BMPR1B: variants seen among roughly 807,000 people sequenced by gnomAD.
The protein encoded by BMPR1B is bone morphogenetic protein receptor type 1B.
A neutral mutation model predicts 59.1 loss-of-function variants in BMPR1B; 12 were observed. That is an observed-to-expected ratio of 0.20 (90% confidence interval 0.13 to 0.33). The LOEUF (loss-of-function observed/expected upper bound fraction) is 0.33. Among genes scored for constraint, BMPR1B ranks in the 10% least tolerant of loss-of-function variants. The probability of loss-of-function intolerance (pLI) is 1.00; values close to 1 mark genes in which losing one functional copy is unlikely to be tolerated. For missense variants in BMPR1B, 550 were observed against 610.9 expected (o/e 0.90, Z 1.05); for synonymous variants, 237 against 207.3 (o/e 1.14, Z -1.23).
chr4:94,922,360 G>A (rs1028520845), intron 2 of BMPR1B, among the ~76,000 whole-genome samples: 31 of 152,028 alleles, frequency 2.0e-4, no homozygotes, highest in African/African-American at 7.5e-4. Flanking sequence ...ACTGAGAGAT[G>A]CCTATATGTC....
At chr4:94,947,775 A>C (rs1328168116) in intron 2 of BMPR1B, among the ~76,000 whole-genome samples, 1 of 152,172 alleles carries the variant, frequency 6.6e-6, no homozygotes, top group African/African-American at 2.4e-5. Context: ...AGTCCTCCTT[A>C]CAATTTTACT....
intron 3 of BMPR1B, among the ~76,000 whole-genome samples, chr4:95,027,191 C>T (rs554618851): frequency 6.6e-6 from 1 of 152,092 alleles, no homozygotes; most frequent in Non-Finnish European, 1.5e-5. Flanking sequence ...TGTTTGTAAA[C>T]CATAATGAAA....
intron 2 of BMPR1B, among the ~76,000 whole-genome samples, chr4:94,953,786 A>C (rs1285165268): frequency 6.6e-6 from 1 of 151,756 alleles, no homozygotes; most frequent in Admixed American, 6.6e-5. Context: ...GTATTTCCTA[A>C]ATTTGAATGT....
At chr4:94,810,185 C>T (rs993504162) in intron 1 of BMPR1B, among the ~76,000 whole-genome samples, 4 of 152,160 alleles carry the variant, frequency 2.6e-5, no homozygotes, top group African/African-American at 9.7e-5. Flanking sequence ...CACATATTGG[C>T]ATTATTTGCT....
intron 1 of BMPR1B, among the ~76,000 whole-genome samples, chr4:94,803,889 A>T (rs554598537): frequency 2.6e-5 from 4 of 152,044 alleles, no homozygotes; most frequent in South Asian, 2.1e-4. Flanking sequence ...TTATTTATTT[A>T]TTTTTTTGAG....
intron 3 of BMPR1B, among the ~76,000 whole-genome samples, chr4:95,008,197 T>G (rs1722982980): frequency 6.6e-6 from 1 of 152,228 alleles, no homozygotes; most frequent in African/African-American, 2.4e-5. Flanking sequence ...ATCTGTCTCA[T>G]ACTGTACGGG....
intron 2 of BMPR1B, among the ~76,000 whole-genome samples, chr4:94,963,498 C>T (rs1730447184): frequency 6.6e-6 from 1 of 152,076 alleles, no homozygotes; most frequent in African/African-American, 2.4e-5. Context: ...AGTTTTTAAT[C>T]CACTTTTATT....
intron 1 of BMPR1B, among the ~76,000 whole-genome samples, chr4:94,762,065 A>C (rs1721794794): frequency 6.6e-6 from 1 of 152,240 alleles, no homozygotes; most frequent in Admixed American, 6.5e-5. Context: ...AAAGCCCATC[A>C]CAGTGGTAAG....
At position 95,104,310 on chromosome 4, in the gene BMPR1B, A is replaced by G. The variant is rs142881377; in HGVS notation, c.-17-98A>G. 1.7e-4 allele frequency: 234 copies of G among 1,358,580 alleles called. No individual in the cohort carries two copies. The African/African-American group carries it at 2.8e-3, about 16-fold the overall frequency. 84.2% of individuals were successfully genotyped at this position (1,358,580 alleles called of 1,614,324 possible). ...CTGTTTAAATCTTTAAGTATCTTGA[A>G]TACTTCATTTTAAAATGTAATCTCA... is the stretch of plus-strand genomic sequence containing the variant. On this transcript the variant is annotated intron_variant, in intron 3 of 12. Transcript: ENST00000515059.
At chr4:95,046,923 A>G (rs1175810045) in intron 3 of BMPR1B, among the ~76,000 whole-genome samples, 1 of 152,250 alleles carries the variant, frequency 6.6e-6, no homozygotes, top group Admixed American at 6.5e-5. Flanking sequence ...GGAGCAGTTA[A>G]GTGAACCTGT....
At chr4:95,001,794 G>C (rs1722468469) in intron 3 of BMPR1B, among the ~76,000 whole-genome samples, 1 of 151,994 alleles carries the variant, frequency 6.6e-6, no homozygotes, top group Non-Finnish European at 1.5e-5. Context: ...GACGTAGAGG[G>C]GGGCAAAACA....
Position 94,758,079 on chromosome 4 carries a change from C to G in BMPR1B, c.-183+11C>G, listed in dbSNP as rs1247001799. The G allele has an allele frequency of 6.8e-6, 1 of 148,094 alleles. No homozygotes were observed. Among genetic ancestry groups the G allele is most frequent in the African/African-American group, 2.4e-5 (1 of 40,842 alleles). The allele number at this position is 148,094 out of a possible 1,614,324, so 9.2% of individuals were successfully genotyped here. On this transcript the variant is annotated intron_variant, in intron 1 of 12. Transcript: ENST00000515059. ...GGAGCGCAGCCGCGGGTAAGGCGCG[C>G]GCGGCGGGGCCCCGTCCCCTGCGGG...
chr4:95,121,555 CAAAT>C (rs926062900), intron 6 of BMPR1B, among the ~76,000 whole-genome samples: 15 of 151,786 alleles, frequency 9.9e-5, no homozygotes, highest in African/African-American at 3.1e-4. Context: ...AATAAGTAAA[CAAAT>C]AAAAAATTTG....
At chr4:94,788,695 T>TTGTA (rs1722846853) in intron 1 of BMPR1B, among the ~76,000 whole-genome samples, 1 of 152,200 alleles carries the variant, frequency 6.6e-6, no homozygotes, top group Non-Finnish European at 1.5e-5. Context: ...AGAACTGGAC[T>TTGTA]TGTACCTCTT....
chr4:94,958,054 A>G (rs190466172), intron 2 of BMPR1B, among the ~76,000 whole-genome samples: 1,916 of 152,318 alleles, frequency 0.013, 26 homozygotes, highest in South Asian at 0.029. Flanking sequence ...GTTTATCAGC[A>G]TTCTACTGAG....
At chr4:94,858,859 A>G (rs1045531360) in intron 1 of BMPR1B, among the ~76,000 whole-genome samples, 2 of 152,156 alleles carry the variant, frequency 1.3e-5, no homozygotes, top group African/African-American at 2.4e-5. Context: ...TCAGTCTTTC[A>G]CCACCCCTTC....
chr4:94,837,437 G>A (rs1467459392), intron 1 of BMPR1B, among the ~76,000 whole-genome samples: 1 of 141,320 alleles, frequency 7.1e-6, no homozygotes, highest in African/African-American at 2.6e-5. Context: ...ATTTCGTTGA[G>A]CAGTGGTTTG....
rs886059737 is a variant in BMPR1B at position 95,155,463 on chromosome 4, A to C, written c.*790A>C. ...TTCATGGTAAAACCCTTTTCATTAA[A>C]CACAAAGAAAGCTTTTTTTTTTTTT... On this transcript the variant is annotated 3_prime_UTR_variant, in exon 13 of 13. Transcript: ENST00000515059. The C allele has an allele frequency of 2.8e-5, 4 of 141,692 alleles. No homozygotes were observed. Among genetic ancestry groups the C allele is most frequent in the Admixed American group, 7.3e-5 (1 of 13,754 alleles). 8.8% of individuals were successfully genotyped at this position (141,692 alleles called of 1,614,324 possible). A position where few individuals can be genotyped will look rare whatever the true frequency, so the allele number is the denominator to read the frequency against.
intron 1 of BMPR1B, among the ~76,000 whole-genome samples, chr4:94,848,936 G>A (rs957489387): frequency 4.6e-5 from 7 of 152,224 alleles, no homozygotes; most frequent in Non-Finnish European, 1.0e-4. Flanking sequence ...ATAAGGCTGA[G>A]AGGGACTGAG....
Sources: allele counts gnomAD v4.1 joint callset (sites outside exome capture counted in the v4.1 genomes callset), GRCh38; gene constraint gnomAD v4.1.1; transcripts MANE v1.5; gene names NCBI Gene and HGNC (gene_info 2026-07-23, HGNC 2026-07-21).